GALNT13: variants seen among roughly 807,000 people sequenced by gnomAD.
GALNT13 encodes the protein polypeptide N-acetylgalactosaminyltransferase 13.
In GALNT13, 28 loss-of-function variants were observed where a neutral mutation model predicts 64.2. That is an observed-to-expected ratio of 0.44 (90% CI 0.32 to 0.60). The LOEUF (loss-of-function observed/expected upper bound fraction) is 0.60. GALNT13 is among the 20% of genes least tolerant of loss of function. The probability of loss-of-function intolerance (pLI) is 0.05; values close to 1 mark genes in which losing one functional copy is unlikely to be tolerated. For synonymous variants in GALNT13, 214 were observed against 224.6 expected, an observed-to-expected ratio of 0.95 and a Z score of 0.42; for missense variants, 577 against 669.8, an observed-to-expected ratio of 0.86 and a Z score of 1.53.
At chr2:154,285,354 T>G (rs1329953386) in intron 8 of GALNT13, among the ~76,000 whole-genome samples, 1 of 152,190 alleles carries the variant, frequency 6.6e-6, no homozygotes, top group Non-Finnish European at 1.5e-5. Context: ...GTTTCAAGTC[T>G]TATATTTAAG....
chr2:153,343,436 C>T, the GALNT13 span, among the ~76,000 whole-genome samples: 1 of 152,034 alleles, frequency 6.6e-6, no homozygotes, highest in Non-Finnish European at 1.5e-5. Flanking sequence ...TGCATACTAA[C>T]CAACTTACCA....
the GALNT13 span, among the ~76,000 whole-genome samples, chr2:153,081,634 C>T: frequency 6.6e-6 from 1 of 152,112 alleles, no homozygotes; most frequent in African/African-American, 2.4e-5. Flanking sequence ...CTTTCTGTGC[C>T]TGGCTTATTT....
chr2:153,311,533 A>G, the GALNT13 span, among the ~76,000 whole-genome samples: 9 of 152,218 alleles, frequency 5.9e-5, no homozygotes, highest in Non-Finnish European at 1.2e-4. Context: ...AGGGTGTCTC[A>G]TGACGTAATA....
the GALNT13 span, among the ~76,000 whole-genome samples, chr2:153,133,195 A>T: frequency 2.0e-5 from 3 of 152,144 alleles, no homozygotes; most frequent in Non-Finnish European, 4.4e-5. Context: ...TCACACAACG[A>T]ATACTTCATG....
At chr2:153,071,640 A>G in the GALNT13 span, among the ~76,000 whole-genome samples, 1 of 152,234 alleles carries the variant, frequency 6.6e-6, no homozygotes, top group Admixed American at 6.5e-5. Context: ...GACCGACAGA[A>G]ATTGGCTAAT....
chr2:154,088,068 G>A (rs996719599), intron 3 of GALNT13, among the ~76,000 whole-genome samples: 3 of 151,962 alleles, frequency 2.0e-5, no homozygotes, highest in African/African-American at 4.8e-5. Flanking sequence ...TAAACAGACC[G>A]CTACAATACA....
chr2:154,290,510 G>A (rs1692544457), intron 8 of GALNT13, among the ~76,000 whole-genome samples: 1 of 152,214 alleles, frequency 6.6e-6, no homozygotes, highest in Non-Finnish European at 1.5e-5. Flanking sequence ...TGTTTAAGCT[G>A]GAGGCGGCTT....
chr2:153,323,645 C>T, the GALNT13 span, among the ~76,000 whole-genome samples: 3 of 152,180 alleles, frequency 2.0e-5, no homozygotes, highest in East Asian at 5.8e-4. Flanking sequence ...GTCTTCAATC[C>T]ATCTTGAGTT....
chr2:154,191,483 G>A (rs1686575784), intron 4 of GALNT13, among the ~76,000 whole-genome samples: 1 of 152,152 alleles, frequency 6.6e-6, no homozygotes, highest in African/African-American at 2.4e-5. Flanking sequence ...AACATCAACT[G>A]TAGGAAGAGA....
chr2:153,291,744 GAA>G, the GALNT13 span, among the ~76,000 whole-genome samples: 492 of 134,854 alleles, frequency 3.6e-3, 8 homozygotes, highest in African/African-American at 0.013. Context: ...TGTTCAAAAG[GAA>G]AAAAAAAAAA....
rs931284364 is a variant in GALNT13 at position 154,174,848 on chromosome 2, T to TGC, written c.311+34344_311+34345dup. 4.9e-3 allele frequency among the ~76,000 whole-genome samples: 751 copies of TGC among 152,276 alleles called. 9 individuals are homozygous for TGC. The highest frequency in any genetic ancestry group is 0.017 in the African/African-American group (714 of 41,566). ...TAGAATATTATCACGTTTTTCTAGC[T>TGC]GCATGTCTATTATAATAATAAACAT... On this transcript the variant is annotated intron_variant, in intron 4 of 12. Coordinates refer to ENST00000392825, the MANE Select transcript of GALNT13 (RefSeq NM_052917.4).
intron 3 of GALNT13, among the ~76,000 whole-genome samples, chr2:154,106,902 T>TCC (rs1301812546): frequency 6.6e-6 from 1 of 152,168 alleles, no homozygotes; most frequent in Non-Finnish European, 1.5e-5. Flanking sequence ...GTGTTTTAGG[T>TCC]GAGGACTAAT....
At chr2:153,505,757 G>C in the GALNT13 span, among the ~76,000 whole-genome samples, 1 of 152,044 alleles carries the variant, frequency 6.6e-6, no homozygotes, top group Non-Finnish European at 1.5e-5. Flanking sequence ...AATTTACTGA[G>C]ACTTGTTTTG....
At chr2:153,866,394 C>T in the GALNT13 span, among the ~76,000 whole-genome samples, 3 of 152,148 alleles carry the variant, frequency 2.0e-5, no homozygotes, top group Non-Finnish European at 4.4e-5. Context: ...AATAAAGTTA[C>T]AACAACCACC....
chr2:154,164,978 G>A (rs180953631), intron 4 of GALNT13, among the ~76,000 whole-genome samples: 31 of 151,970 alleles, frequency 2.0e-4, no homozygotes, highest in African/African-American at 7.0e-4. Context: ...ACTGAATAAC[G>A]ATATCTTTAA....
chr2:153,483,310 G>C, the GALNT13 span, among the ~76,000 whole-genome samples: 2 of 151,602 alleles, frequency 1.3e-5, no homozygotes, highest in Non-Finnish European at 2.9e-5. Flanking sequence ...ATGGCCAAAA[G>C]GTGGAAGCAA....
chr2:153,936,429 G>A (rs1690918742), intron 2 of GALNT13, among the ~76,000 whole-genome samples: 2 of 152,096 alleles, frequency 1.3e-5, no homozygotes, highest in African/African-American at 4.8e-5. Flanking sequence ...TTGCCAGACT[G>A]TAGATGGTCT....
At chr2:153,847,972 G>A in the GALNT13 span, among the ~76,000 whole-genome samples, 8 of 152,272 alleles carry the variant, frequency 5.3e-5, no homozygotes, top group Middle Eastern at 6.8e-3. Context: ...AGGCAAGAGA[G>A]CTGGCTTATG....
the GALNT13 span, among the ~76,000 whole-genome samples, chr2:153,581,613 ATTG>A: frequency 3.6e-4 from 55 of 152,212 alleles, 1 homozygote; most frequent in South Asian, 0.011. Flanking sequence ...GAATCTGCCT[ATTG>A]TTATAAGGAA....
Sources: gnomAD v4.1 joint callset for allele counts (sites outside exome capture counted in the v4.1 genomes callset) on GRCh38, gnomAD v4.1.1 for gene constraint, MANE v1.5 for transcripts, NCBI Gene and HGNC (gene_info 2026-07-23, HGNC 2026-07-21) for gene names.